Variants in GPATCH2L observed in about 807,000 individuals in gnomAD.
GPATCH2L encodes G patch domain-containing protein 2-like.
Under a neutral mutation model 57.4 loss-of-function variants are expected in GPATCH2L, and 31 were observed. The ratio of observed to expected loss-of-function variants is 0.54; its 90% confidence interval spans 0.41 to 0.73. GPATCH2L has a LOEUF of 0.73. Among genes scored for constraint, GPATCH2L ranks in the 30% least tolerant of loss-of-function variants. The pLI is 0.00. For missense variants in GPATCH2L, 481 were observed against 599.9 expected (o/e 0.80, Z 2.07); for synonymous variants, 199 against 210.7 (o/e 0.94, Z 0.48).
chr14:76,172,862 A>G (rs2039149190), intron 4 of GPATCH2L, among the ~76,000 whole-genome samples: 1 of 152,214 alleles, frequency 6.6e-6, no homozygotes, highest in Admixed American at 6.5e-5. Context: ...AATTTTTGTC[A>G]TGGCGAACCA....
chr14:76,176,888 T>A (rs1271448301), intron 6 of GPATCH2L, among the ~76,000 whole-genome samples, 198 bp downstream of exon 6: 1 of 152,212 alleles, frequency 6.6e-6, no homozygotes. Context: ...CTAGTTTCAC[T>A]GTATTGTTTT....
At chr14:76,155,251 A>G (rs894643218) in intron 2 of GPATCH2L, among the ~76,000 whole-genome samples, 1 of 152,216 alleles carries the variant, frequency 6.6e-6, no homozygotes, top group Admixed American at 6.5e-5. Flanking sequence ...GTTTCTAAAA[A>G]CTGTTTAAAA....
At chr14:76,224,929 G>A (rs2040530590) in intron 1 of GPATCH2L, among the ~76,000 whole-genome samples, 1 of 152,014 alleles carries the variant, frequency 6.6e-6, no homozygotes, top group African/African-American at 2.4e-5. Flanking sequence ...TCTAATGAAA[G>A]ATGAGAAAAA....
chr14:76,209,053 A>C lies in GPATCH2L; in HGVS notation c.*7202A>C, dbSNP rs1467414541. ...ACTGTTCTTGCTGGATTCACCCACC[A>C]GTGACTTCTACTATTAAAATTTAGC... On this transcript the variant is annotated 3_prime_UTR_variant, in exon 10 of 10. Coordinates refer to ENST00000261530, the MANE Select transcript of GPATCH2L (RefSeq NM_017926.4). 2 of 152,236 alleles carry C rather than the reference A, an allele frequency of 1.3e-5. No homozygotes were observed. Among genetic ancestry groups the C allele is most frequent in the Non-Finnish European group, 2.9e-5 (2 of 68,070 alleles). 9.4% of individuals were successfully genotyped at this position (152,236 alleles called of 1,614,324 possible).
intron 1 of GPATCH2L, among the ~76,000 whole-genome samples, chr14:76,224,896 C>T (rs991028130): frequency 5.9e-5 from 9 of 151,806 alleles, no homozygotes; most frequent in Admixed American, 1.3e-4. Flanking sequence ...ACAATAGCAT[C>T]GAAGACATAA....
At chr14:76,182,919 G>A (rs1594960647) in intron 8 of GPATCH2L, among the ~76,000 whole-genome samples, 2 of 152,320 alleles carry the variant, frequency 1.3e-5, no homozygotes, top group Admixed American at 1.3e-4. Flanking sequence ...TAATCCATAG[G>A]AAAACAGTCC....
chr14:76,190,303 C>T (rs2039920462), intron 8 of GPATCH2L, among the ~76,000 whole-genome samples: 2 of 152,068 alleles, frequency 1.3e-5, no homozygotes, highest in African/African-American at 4.8e-5. Flanking sequence ...TTTCAGCATT[C>T]ACCTTCACAC....
intron 2 of GPATCH2L, among the ~76,000 whole-genome samples, chr14:76,233,355 G>C (rs1018676641): frequency 1.3e-5 from 2 of 152,102 alleles, no homozygotes; most frequent in African/African-American, 4.8e-5. Context: ...AAAAAATTCT[G>C]GCAATTTGAT....
rs1283842930 is a variant in GPATCH2L at position 76,204,863 on chromosome 14, A to G, written c.*3012A>G. On this transcript the variant is annotated 3_prime_UTR_variant, in exon 10 of 10. Transcript: ENST00000261530. ...AACATTATCTGCTTCTGTGAGGATC[A>G]TAATAAAAAGTTAGTTTTAATTACG... The G allele has an allele frequency of 6.6e-6, 1 of 152,266 alleles. No individual in the cohort carries two copies. Among genetic ancestry groups the G allele is most frequent in the African/African-American group, 2.4e-5 (1 of 41,478 alleles). The allele number at this position is 152,266 out of a possible 1,614,324, so 9.4% of individuals were successfully genotyped here.
chr14:76,175,839 C>T (rs2039299682), intron 5 of GPATCH2L: 1 of 152,144 alleles, frequency 6.6e-6, no homozygotes, highest in African/African-American at 2.4e-5. Context: ...ACGCCCGTGA[C>T]TTGTGTTCTC....
At chr14:76,177,947 T>C (rs373578820) in intron 6 of GPATCH2L, 41 bp from the exon 7 acceptor site, 2 of 1,601,310 alleles carry the variant, frequency 1.2e-6, no homozygotes, top group African/African-American at 2.7e-5. Context: ...ATCATTTTTC[T>C]TTGTCATCTT....
Position 76,209,886 on chromosome 14 carries a change from G to C in GPATCH2L, c.*8035G>C, listed in dbSNP as rs1008966129. 2.0e-5 allele frequency: 3 copies of C among 152,170 alleles called. No individual in the cohort carries two copies. Among genetic ancestry groups the C allele is most frequent in the Admixed American group, 6.5e-5 (1 of 15,274 alleles). The allele number at this position is 152,170 out of a possible 1,614,324, so 9.4% of individuals were successfully genotyped here. On this transcript the variant is annotated 3_prime_UTR_variant, in exon 10 of 10. Coordinates refer to ENST00000261530, the MANE Select transcript of GPATCH2L (RefSeq NM_017926.4). ...CATATGCCTGTGTCCTGGCTAGGAAGTCAGAATGAGGTTATCTGGAAAGTT... is the reference window on the plus strand; with the variant it reads ...CATATGCCTGTGTCCTGGCTAGGAACTCAGAATGAGGTTATCTGGAAAGTT...
Position 76,211,916 on chromosome 14 carries a change from C to G in GPATCH2L, c.*10065C>G, listed in dbSNP as rs1480885328. 2 of 152,018 alleles carry G rather than the reference C, an allele frequency of 1.3e-5. No individual in the cohort carries two copies. The highest frequency in any genetic ancestry group is 2.4e-5 in the African/African-American group (1 of 41,374). The allele number at this position is 152,018 out of a possible 1,614,324, so 9.4% of individuals were successfully genotyped here. A position where few individuals can be genotyped will look rare whatever the true frequency, so the allele number is the denominator to read the frequency against. ...TTTTCCTGAACAGCTTCTGACTGAC[C>G]AGCATTTTAAATTAGGCGATGCAGT... On this transcript the variant is annotated 3_prime_UTR_variant, in exon 10 of 10. Coordinates refer to ENST00000261530, the MANE Select transcript of GPATCH2L (RefSeq NM_017926.4).
Position 76,160,153 on chromosome 14 carries a change from G to A in GPATCH2L, c.662+5128G>A, listed in dbSNP as rs528573389. Among the ~76,000 whole-genome samples, 242 of 152,000 alleles carry A rather than the reference G, an allele frequency of 1.6e-3. 1 individual carries two copies. Among genetic ancestry groups the A allele is most frequent in the Middle Eastern group, 3.4e-3 (1 of 294 alleles). ...AGCGAGACTCTGTCTCAAAAAAAAA[G>A]AAAAAAGAAACTGAATGATGCTCAA... On this transcript the variant is annotated intron_variant, in intron 2 of 9. Coordinates refer to ENST00000261530, the MANE Select transcript of GPATCH2L (RefSeq NM_017926.4).
intron 1 of GPATCH2L, chr14:76,152,465 C>A: frequency 3.1e-6 from 1 of 322,482 alleles, no homozygotes; most frequent in Non-Finnish European, 6.2e-6. Context: ...TGCCTCCTGC[C>A]TCTCCCACCT....
At chr14:76,197,728 C>T (rs1325680864) in intron 9 of GPATCH2L, among the ~76,000 whole-genome samples, 1 of 152,126 alleles carries the variant, frequency 6.6e-6, no homozygotes, top group Non-Finnish European at 1.5e-5. Context: ...ACATCAGGGG[C>T]CAGCTCCTAG....
intron 1 of GPATCH2L, among the ~76,000 whole-genome samples, chr14:76,224,184 A>T (rs1298861153): frequency 9.9e-5 from 15 of 152,220 alleles, no homozygotes; most frequent in African/African-American, 2.9e-4. Context: ...AGGCAAATCC[A>T]TAGAGACAGA....
chr14:76,194,876 A>AT (rs1460167266), intron 8 of GPATCH2L, among the ~76,000 whole-genome samples: 1 of 152,184 alleles, frequency 6.6e-6, no homozygotes, highest in Non-Finnish European at 1.5e-5. Context: ...GCTAATGAGG[A>AT]TCGCCTGTGT....
At chr14:76,193,295 G>A (rs1344704378) in intron 8 of GPATCH2L, among the ~76,000 whole-genome samples, 1 of 151,888 alleles carries the variant, frequency 6.6e-6, no homozygotes, top group Non-Finnish European at 1.5e-5. Flanking sequence ...CCATAAAAGA[G>A]TTGATAATAT....
Sources: gnomAD v4.1 joint callset for allele counts (sites outside exome capture counted in the v4.1 genomes callset) on GRCh38, gnomAD v4.1.1 for gene constraint, MANE v1.5 for transcripts, NCBI Gene and HGNC (gene_info 2026-07-23, HGNC 2026-07-21) for gene names.